The following AKIRIN2 variants were observed in gnomAD, a reference collection of about 807,000 sequenced individuals.
AKIRIN2 encodes the protein akirin 2.
A neutral mutation model predicts 29.3 loss-of-function variants in AKIRIN2; 6 were observed. The observed-to-expected ratio is 0.20, with a 90% CI of 0.11 to 0.40. AKIRIN2 has a LOEUF of 0.40. Ranked by LOEUF, AKIRIN2 falls within the 10% of genes least tolerant of loss-of-function variation. AKIRIN2 has a pLI of 1.00. For synonymous variants in AKIRIN2, 128 were observed against 117.5 expected, an observed-to-expected ratio of 1.09 and a Z score of -0.58; for missense variants, 210 against 276.1, an observed-to-expected ratio of 0.76 and a Z score of 1.70.
At chr6:87,678,032 TGAA>T in intron 2 of AKIRIN2, 65 bp from the exon 3 acceptor site, 1 of 1,440,464 alleles carries the variant, frequency 6.9e-7, no homozygotes. Flanking sequence ...AGTTTCTAAA[TGAA>T]GAGGTTTTAT....
At chr6:87,694,125 T>C (rs1409802044) in intron 1 of AKIRIN2, among the ~76,000 whole-genome samples, 3 of 152,212 alleles carry the variant, frequency 2.0e-5, no homozygotes, top group African/African-American at 7.2e-5. Flanking sequence ...TCTCAAACCA[T>C]TCCAACTAGT....
intron 1 of AKIRIN2, among the ~76,000 whole-genome samples, chr6:87,693,236 G>C (rs1315378872): frequency 6.6e-6 from 1 of 150,944 alleles, no homozygotes; most frequent in Non-Finnish European, 1.5e-5. Context: ...CTCAAAAAAA[G>C]AAAAAGGCAA....
At chr6:87,694,975 A>G (rs1771335330) in intron 1 of AKIRIN2, among the ~76,000 whole-genome samples, 1 of 152,210 alleles carries the variant, frequency 6.6e-6, no homozygotes, top group Admixed American at 6.5e-5. Flanking sequence ...TCCCTGCTTA[A>G]TATAGATACA....
In AKIRIN2 at chr6:87,701,475, G is replaced by A. The variant is rs1284850285; in HGVS notation, c.210C>T (p.Gly70=). Residue 70 remains glycine, a synonymous_variant, in exon 1 of 5, where the codon GGC becomes GGT. Transcript: ENST00000257787. ...CTGTGGTGAGGCGGGAGGAGACGTC[G>A]CCGAAGGGGGATGGCTCCATTCGGA... ...KYLRMEPSPF[G]DVSSRLTTEQ... is the part of the protein sequence containing the mutation. The A allele has an allele frequency of 1.3e-6, 2 of 1,517,062 alleles. No homozygotes were observed. Among genetic ancestry groups the A allele is most frequent in the East Asian group, 2.6e-5 (1 of 37,754 alleles). 94.0% of individuals were successfully genotyped at this position (1,517,062 alleles called of 1,614,324 possible).
intron 1 of AKIRIN2, among the ~76,000 whole-genome samples, chr6:87,689,245 T>C (rs1771238947): frequency 6.6e-6 from 1 of 152,166 alleles, no homozygotes; most frequent in African/African-American, 2.4e-5. Context: ...CTCATGTCTA[T>C]GATCCCAGCA....
chr6:87,677,519 T>C (rs1224317519), intron 3 of AKIRIN2, among the ~76,000 whole-genome samples: 2 of 152,164 alleles, frequency 1.3e-5, no homozygotes, highest in Non-Finnish European at 2.9e-5. Context: ...GGTAACGTTA[T>C]GAAAAATATA....
chr6:87,697,527 C>T (rs1771391120), intron 1 of AKIRIN2, among the ~76,000 whole-genome samples: 1 of 152,214 alleles, frequency 6.6e-6, no homozygotes, highest in Admixed American at 6.5e-5. Flanking sequence ...AGCAACTTAA[C>T]AGCTGTCTAA....
intron 3 of AKIRIN2, 127 bp downstream of exon 3, chr6:87,677,691 A>G: frequency 8.4e-7 from 1 of 1,190,544 alleles, no homozygotes; most frequent in South Asian, 1.6e-5. Flanking sequence ...TTCTTTCCTG[A>G]ACTGAAATTT....
chr6:87,686,975 G>A (rs1043017498), intron 1 of AKIRIN2, among the ~76,000 whole-genome samples: 1 of 150,084 alleles, frequency 6.7e-6, no homozygotes, highest in African/African-American at 2.5e-5. Context: ...GAACACGGGA[G>A]GTGAAGGTTG....
chr6:87,696,734 G>A (rs1316794908), intron 1 of AKIRIN2, among the ~76,000 whole-genome samples: 3 of 148,314 alleles, frequency 2.0e-5, no homozygotes, highest in Non-Finnish European at 3.0e-5. Context: ...GAGGCCAGGC[G>A]CGGTGGCTCA....
At chr6:87,683,826 A>C (rs2754254) in intron 1 of AKIRIN2, among the ~76,000 whole-genome samples, 13,750 of 152,004 alleles carry the variant, frequency 0.09, 670 homozygotes, top group African/African-American at 0.12. Flanking sequence ...GCTAAATTGT[A>C]TTTTTGGTAG....
At chr6:87,694,687 A>G (rs1204391249) in intron 1 of AKIRIN2, among the ~76,000 whole-genome samples, 2 of 152,196 alleles carry the variant, frequency 1.3e-5, no homozygotes, top group African/African-American at 4.8e-5. Flanking sequence ...TCTGCCTGTG[A>G]CACTTGTGAC....
At chr6:87,698,609 G>A (rs1302547357) in intron 1 of AKIRIN2, among the ~76,000 whole-genome samples, 1 of 152,086 alleles carries the variant, frequency 6.6e-6, no homozygotes, top group Non-Finnish European at 1.5e-5. Flanking sequence ...TAACACTTAG[G>A]TGTCCTAAAA....
intron 1 of AKIRIN2, among the ~76,000 whole-genome samples, chr6:87,694,253 C>T (rs1363467642): frequency 1.3e-5 from 2 of 152,028 alleles, no homozygotes; most frequent in African/African-American, 2.4e-5. Flanking sequence ...AGTAAACAAG[C>T]CTTAACACTT....
intron 1 of AKIRIN2, among the ~76,000 whole-genome samples, chr6:87,700,170 G>A (rs975147905): frequency 6.6e-6 from 1 of 150,882 alleles, no homozygotes. Flanking sequence ...CTCTAAAACA[G>A]TATGTCCTTA....
intron 2 of AKIRIN2, 102 bp from the exon 3 acceptor site, chr6:87,678,069 A>G (rs1166342396): frequency 9.2e-7 from 1 of 1,088,962 alleles, no homozygotes; most frequent in Non-Finnish European, 1.3e-6. Flanking sequence ...ATCTTGATAT[A>G]AAAGCATTTT....
intron 1 of AKIRIN2, among the ~76,000 whole-genome samples, chr6:87,684,456 G>A (rs1383642447): frequency 6.6e-6 from 1 of 152,048 alleles, no homozygotes; most frequent in Non-Finnish European, 1.5e-5. Context: ...TACAGTTTTG[G>A]AACTAACGTA....
At chr6:87,692,242 C>T (rs185409629) in intron 1 of AKIRIN2, among the ~76,000 whole-genome samples, 3 of 152,228 alleles carry the variant, frequency 2.0e-5, no homozygotes, top group African/African-American at 7.2e-5. Flanking sequence ...AGTAAAAGTC[C>T]CATTTGAGGT....
chr6:87,681,243 G>A (rs1296942355), intron 2 of AKIRIN2, among the ~76,000 whole-genome samples: 1 of 152,074 alleles, frequency 6.6e-6, no homozygotes, highest in Non-Finnish European at 1.5e-5. Context: ...TTGCCATGTT[G>A]GCCAGGCTGG....
Sources: gnomAD v4.1 joint callset for allele counts (sites outside exome capture counted in the v4.1 genomes callset) on GRCh38, gnomAD v4.1.1 for gene constraint, MANE v1.5 for transcripts, NCBI Gene and HGNC (gene_info 2026-07-23, HGNC 2026-07-21) for gene names.